The following RGL1 variants were observed in gnomAD, a reference collection of about 807,000 sequenced individuals.
The protein encoded by RGL1 is ral guanine nucleotide dissociation stimulator like 1.
A neutral mutation model predicts 95.2 loss-of-function variants in RGL1; 24 were observed. The observed-to-expected ratio is 0.25, with a 90% confidence interval of 0.18 to 0.35. The LOEUF (loss-of-function observed/expected upper bound fraction) is 0.35. Ranked by LOEUF, RGL1 falls within the 10% of genes least tolerant of loss-of-function variation. The pLI, the probability that RGL1 is intolerant of heterozygous loss-of-function variation, is 1.00. For synonymous variants in RGL1, 329 were observed against 344.9 expected (o/e 0.95, Z 0.51); for missense variants, 715 against 936.3 (o/e 0.76, Z 3.08).
intron 1 of RGL1, among the ~76,000 whole-genome samples, chr1:183,714,513 G>A (rs917118865): frequency 2.6e-5 from 4 of 152,118 alleles, no homozygotes; most frequent in African/African-American, 7.2e-5. Context: ...AAACATTAGT[G>A]AACAAATAGA....
intron 4 of RGL1, among the ~76,000 whole-genome samples, chr1:183,867,724 A>G (rs562327860): frequency 6.6e-6 from 1 of 152,048 alleles, no homozygotes; most frequent in East Asian, 1.9e-4. Context: ...GGTGGGGGCC[A>G]TTGTAGGGGT....
intron 9 of RGL1, among the ~76,000 whole-genome samples, chr1:183,893,189 A>T (rs1431510100): frequency 1.3e-5 from 2 of 152,208 alleles, no homozygotes; most frequent in African/African-American, 2.4e-5. Flanking sequence ...GCAGTGTTTG[A>T]TCTTAAGGGG....
intron 2 of RGL1, among the ~76,000 whole-genome samples, chr1:183,809,575 C>T (rs1343744170): frequency 6.6e-6 from 1 of 152,110 alleles, no homozygotes; most frequent in Non-Finnish European, 1.5e-5. Flanking sequence ...ATTTTACCCA[C>T]CTATAATTCT....
chr1:183,685,477 A>G (rs1653518122), intron 1 of RGL1, among the ~76,000 whole-genome samples: 1 of 152,250 alleles, frequency 6.6e-6, no homozygotes, highest in Admixed American at 6.5e-5. Flanking sequence ...GGCAAAGACT[A>G]CAGTTTTCTA....
At chr1:183,883,995 A>G in intron 6 of RGL1, 85 bp downstream of exon 6, 3 of 1,418,268 alleles carry the variant, frequency 2.1e-6, no homozygotes, top group Non-Finnish European at 2.9e-6. Context: ...CAGCAGTGGG[A>G]TAATGTGATT....
chr1:183,778,547 T>C (rs1252082780), intron 2 of RGL1, among the ~76,000 whole-genome samples: 1 of 152,192 alleles, frequency 6.6e-6, no homozygotes, highest in Non-Finnish European at 1.5e-5. Flanking sequence ...TATGATATGT[T>C]TCTGTCCTTT....
intron 2 of RGL1, among the ~76,000 whole-genome samples, chr1:183,748,394 CTTTTTTTTTTTTTTT>C (rs56920504): frequency 1.0e-4 from 7 of 69,680 alleles, no homozygotes; most frequent in African/African-American, 1.3e-4. Context: ...TTCTCTAGTT[CTTTTTTTTTTTTTTT>C]TTTTTTTTTT....
intron 1 of RGL1, among the ~76,000 whole-genome samples, chr1:183,681,139 C>T (rs1467157699): frequency 3.3e-5 from 5 of 152,194 alleles, no homozygotes; most frequent in African/African-American, 1.2e-4. Flanking sequence ...ATTTGACTTC[C>T]TCTCTTCCTA....
chr1:183,897,875 G>A lies in RGL1; in HGVS notation c.1208G>A (p.Arg403Gln), dbSNP rs1667790844. ...GAAAACCAGAAGCGTACCCAGAGGC[G>A]GCTGCAGCTCCAGAAGGACATGGTA... The part of the protein sequence containing the change: ...VKENQKRTQR[R>Q]LQLQKDMGVM... Residue 403 changes from arginine (R) to glutamine (Q), a missense_variant, in exon 10 of 18, where the codon CGG (arginine) becomes CAG (glutamine). Physicochemically the swap from Arg to Gln is conservative, Grantham distance 43. Around this residue, in one of 3 missense-constraint regions of RGL1, gnomAD observed 381 missense variants for 484.8 expected, o/e 0.79. Coordinates refer to ENST00000360851, the MANE Select transcript of RGL1 (RefSeq NM_001297671.3). 1 of 1,613,790 alleles carries A rather than the reference G, an allele frequency of 6.2e-7. No homozygotes were observed. Among genetic ancestry groups the A allele is most frequent in the African/African-American group, 1.3e-5 (1 of 74,898 alleles).
intron 11 of RGL1, 130 bp from the exon 12 acceptor site, chr1:183,902,438 G>T: frequency 4.9e-6 from 3 of 609,390 alleles, no homozygotes; most frequent in Non-Finnish European, 8.0e-6. Context: ...CACAGTAGTC[G>T]TAATTATAGG....
intron 1 of RGL1, among the ~76,000 whole-genome samples, chr1:183,738,282 G>T (rs1030781774): frequency 1.3e-5 from 2 of 152,072 alleles, no homozygotes; most frequent in African/African-American, 4.8e-5. Context: ...TTAGCTGGAG[G>T]TGGTGGCAGA....
chr1:183,647,849 A>T, intron 1 of RGL1: 1 of 1,614,092 alleles, frequency 6.2e-7, no homozygotes, highest in Non-Finnish European at 8.5e-7. Flanking sequence ...TCCTGGGTTT[A>T]TTTGGGTTTT....
chr1:183,695,164 AG>A (rs1352620736), intron 1 of RGL1, among the ~76,000 whole-genome samples: 1 of 152,222 alleles, frequency 6.6e-6, no homozygotes, highest in African/African-American at 2.4e-5. Flanking sequence ...GGCCCCCAAA[AG>A]CTTCCAGGAA....
intron 2 of RGL1, among the ~76,000 whole-genome samples, chr1:183,842,022 A>G (rs1349186875): frequency 6.6e-6 from 1 of 152,154 alleles, no homozygotes; most frequent in Non-Finnish European, 1.5e-5. Context: ...CTCAGCCTGT[A>G]TTGTGGTGGT....
chr1:183,648,877 T>C (rs1650514182), intron 1 of RGL1: 1 of 948,586 alleles, frequency 1.1e-6, no homozygotes, highest in Non-Finnish European at 1.6e-6. Flanking sequence ...TGCATTAATT[T>C]ATTAAACCAT....
intron 1 of RGL1, among the ~76,000 whole-genome samples, chr1:183,713,376 A>AACCCCCCC (rs1553273632): frequency 2.1e-5 from 1 of 48,204 alleles, no homozygotes; most frequent in African/African-American, 1.1e-4. Context: ...ATCTAGAGGC[A>AACCCCCCC]CCCCCCCCCC....
intron 2 of RGL1, among the ~76,000 whole-genome samples, chr1:183,771,473 CTTT>C (rs1332634930): frequency 6.6e-6 from 1 of 152,128 alleles, no homozygotes; most frequent in Non-Finnish European, 1.5e-5. Flanking sequence ...TGGGAGTCTC[CTTT>C]TTATTCCTTT....
chr1:183,771,837 C>T (rs976936019), intron 2 of RGL1, among the ~76,000 whole-genome samples: 32 of 152,270 alleles, frequency 2.1e-4, no homozygotes, highest in Admixed American at 1.8e-3. Context: ...TATAAAAACC[C>T]GAGACCCTAG....
At chr1:183,817,975 A>G (rs1306997171) in intron 2 of RGL1, among the ~76,000 whole-genome samples, 1 of 152,218 alleles carries the variant, frequency 6.6e-6, no homozygotes, top group Non-Finnish European at 1.5e-5. Context: ...GTGTTTCCTC[A>G]TGAACATTCT....
Sources: allele counts gnomAD v4.1 joint callset (sites outside exome capture counted in the v4.1 genomes callset), GRCh38; gene constraint gnomAD v4.1.1; regional missense constraint gnomAD v4.1.1; transcripts MANE v1.5; gene names NCBI Gene and HGNC (gene_info 2026-07-23, HGNC 2026-07-21).